The following MYH4 variants were observed in gnomAD, a reference collection of about 807,000 sequenced individuals.
The protein encoded by MYH4 is myosin heavy chain 4.
A neutral mutation model predicts 229.9 loss-of-function variants in MYH4; 200 were observed. The observed-to-expected ratio is 0.87, with a 90% CI of 0.78 to 0.98. The LOEUF is 0.98. Among genes scored for constraint, MYH4 ranks in the 50% least tolerant of loss-of-function variants. The probability of loss-of-function intolerance (pLI) is 0.00; values close to 1 mark genes in which losing one functional copy is unlikely to be tolerated. For synonymous variants in MYH4, 761 were observed against 834.6 expected (o/e 0.91, Z 1.52); for missense variants, 2,148 against 2,332.6 (o/e 0.92, Z 1.63).
Position 10,444,696 on chromosome 17 carries a change from C to T in MYH4, c.5575G>A (p.Glu1859Lys), listed in dbSNP as rs973277465. Residue 1859 changes from glutamate to lysine, a missense_variant, in exon 39 of 40, where the codon GAG becomes AAG. Glu to Lys is a moderately conservative substitution (Grantham distance 56). Coordinates refer to ENST00000255381, the MANE Select transcript of MYH4 (RefSeq NM_017533.2). ...CTGAGAATATTCTTGCGGTCCTCCT[C>T]AGTCTGAAAGAGGTGCAAGTAGATG... ...RRVKELTYQT[E>K]EDRKNILRLQ... 4 of 1,613,836 alleles carry T rather than the reference C, an allele frequency of 2.5e-6. No individual in the cohort carries two copies. The Admixed American group carries it at 6.7e-5, about 27-fold the overall frequency.
intron 23 of MYH4, 98 bp from the exon 24 acceptor site, chr17:10,453,426 T>G (rs1033934495): frequency 1.9e-6 from 3 of 1,591,032 alleles, no homozygotes; most frequent in Non-Finnish European, 2.6e-6. Flanking sequence ...CAGCGTAAGA[T>G]GGAAAATGAG....
At chr17:10,444,436 A>G (rs532182330) in intron 39 of MYH4, among the ~76,000 whole-genome samples, 168 bp downstream of exon 39, 2 of 152,300 alleles carry the variant, frequency 1.3e-5, no homozygotes, top group Admixed American at 6.5e-5. Flanking sequence ...ACTCAAATCT[A>G]TAAGGCTCCA....
rs2072501321 is a variant in MYH4 at position 10,445,417 on chromosome 17, T to C, written c.5170-55A>G. On this transcript the variant is annotated intron_variant, in intron 35 of 39. Coordinates refer to ENST00000255381, the MANE Select transcript of MYH4 (RefSeq NM_017533.2). ...GCACATTTACTTATAACAACTCACA[T>C]TGTCATTTTACCTAGTGTACACAGG... is the stretch of plus-strand genomic sequence containing the variant. 1.9e-6 allele frequency: 3 copies of C among 1,606,862 alleles called. No homozygotes were observed. In the Admixed American group the frequency reaches 5.0e-5, roughly 27 times the overall value.
At chr17:10,446,939 T>C (rs2072517815) in intron 35 of MYH4, 74 bp downstream of exon 35, 2 of 1,464,306 alleles carry the variant, frequency 1.4e-6, no homozygotes, top group South Asian at 2.5e-5. Flanking sequence ...TTTTACTTTA[T>C]AAACAAGCTT....
In MYH4 at chr17:10,461,422, T is replaced by C. The variant is rs73275430; in HGVS notation, c.1009-368A>G. The stretch of plus-strand genomic sequence containing the variant: ...CATGCTCCTCTTGGTCTTTTGGCTA[T>C]TTTTGTTTCTTTTCTCCAGTCTCAC... On this transcript the variant is annotated intron_variant, in intron 11 of 39. Coordinates refer to ENST00000255381, the MANE Select transcript of MYH4 (RefSeq NM_017533.2). Among the ~76,000 whole-genome samples, 560 of 152,296 alleles carry C rather than the reference T, an allele frequency of 3.7e-3. 5 individuals are homozygous for C. The highest frequency in any genetic ancestry group is 0.013 in the African/African-American group (535 of 41,558).
At chr17:10,464,623 A>C (rs767666817) in intron 6 of MYH4, 37 bp from the exon 7 acceptor site, 1 of 1,613,214 alleles carries the variant, frequency 6.2e-7, no homozygotes, top group African/African-American at 1.3e-5. Context: ...TCAGAATCTA[A>C]GGTAGTAGTA....
intron 9 of MYH4, 37 bp downstream of exon 9, chr17:10,463,301 G>T: frequency 6.4e-7 from 1 of 1,574,096 alleles, no homozygotes; most frequent in African/African-American, 1.4e-5. Context: ...TACCCACAAA[G>T]AAAAAGATTC....
rs770248707 is a variant in MYH4, at chr17:10,459,436, A to T, written c.1417-15T>A. ...AGGCTGTTGAACTACAGAACAAGAT[A>T]AATATAGGAAATTACGCATAACAAG... On this transcript the variant is annotated splice_polypyrimidine_tract_variant and intron_variant, in intron 14 of 39. Coordinates refer to ENST00000255381, the MANE Select transcript of MYH4 (RefSeq NM_017533.2). 6.2e-7 allele frequency: 1 copy of T among 1,614,188 alleles called. No individual in the cohort carries two copies. The highest frequency in any genetic ancestry group is 8.5e-7 in the Non-Finnish European group (1 of 1,180,014).
At chr17:10,452,605 G>A (rs1348744551) in intron 25 of MYH4, 99 bp from the exon 26 acceptor site, 6 of 1,283,444 alleles carry the variant, frequency 4.7e-6, no homozygotes, top group Non-Finnish European at 6.6e-6. Flanking sequence ...GGTGTTGAAG[G>A]AGTGAGTAGT....
chr17:10,453,492 G>C, intron 23 of MYH4, 151 bp downstream of exon 23: 1 of 1,540,918 alleles, frequency 6.5e-7, no homozygotes, highest in Non-Finnish European at 8.8e-7. Context: ...TAAAGGTCAA[G>C]TAAGTACATT....
At position 10,451,483 on chromosome 17, in the gene MYH4, C is replaced by A. The variant is rs201507541; in HGVS notation, c.3739-31G>T. The A allele has an allele frequency of 2.4e-5, 38 of 1,602,116 alleles. 1 individual carries two copies. The South Asian group carries it at 3.5e-4, about 15-fold the overall frequency. On this transcript the variant is annotated intron_variant, in intron 27 of 39. Coordinates refer to ENST00000255381, the MANE Select transcript of MYH4 (RefSeq NM_017533.2). The stretch of plus-strand genomic sequence containing the variant: ...GTGAGAGGTAGAAAACAGGAAGAGA[C>A]AATACATTTTTATTCTAGAGGCTGG...
intron 30 of MYH4, among the ~76,000 whole-genome samples, chr17:10,449,433 G>A (rs1383303640): frequency 6.6e-6 from 1 of 152,132 alleles, no homozygotes; most frequent in African/African-American, 2.4e-5. Context: ...TAGAAAACAG[G>A]AAGAGACAGT....
chr17:10,456,562 A>C lies in MYH4; in HGVS notation c.1898-7T>G, dbSNP rs1410878035. On this transcript the variant is annotated splice_region_variant and splice_polypyrimidine_tract_variant and intron_variant, in intron 16 of 39. Coordinates refer to ENST00000255381, the MANE Select transcript of MYH4 (RefSeq NM_017533.2). ...TTCTTTCCACCACCACCCTCTAAAA[A>C]ACAAAATGGGAAAAATAAAGTTATT... The C allele has an allele frequency of 1.9e-6, 3 of 1,613,378 alleles. No homozygotes were observed. The South Asian group carries it at 3.3e-5, about 18-fold the overall frequency.
Position 10,448,097 on chromosome 17 carries a change from A to G in MYH4, c.4686T>C (p.Ile1562=). 1.2e-6 allele frequency: 2 copies of G among 1,613,694 alleles called. No homozygotes were observed. Among genetic ancestry groups the G allele is most frequent in the Non-Finnish European group, 1.7e-6 (2 of 1,179,834 alleles). ...GATTTAGCTCAAGTTGAATGCGAAG[A>G]ATTTTGCCTTCTTCATGCTCAAGAG... is the stretch of plus-strand genomic sequence containing the variant. ...EASLEHEEGK[I]LRIQLELNQV... is the part of the protein sequence containing the mutation. The change falls in exon 34 of 40, where the codon ATT becomes ATC. Residue 1562 remains isoleucine, a synonymous_variant. Transcript: ENST00000255381.
At chr17:10,465,805 C>T (rs1457045169) in intron 4 of MYH4, among the ~76,000 whole-genome samples, 1 of 119,794 alleles carries the variant, frequency 8.3e-6, no homozygotes, top group Non-Finnish European at 1.6e-5. Flanking sequence ...GACGGAGTCT[C>T]GCTCTGTCGC....
chr17:10,450,432 C>G (rs1453834557), intron 30 of MYH4, 21 bp downstream of exon 30: 1 of 1,613,760 alleles, frequency 6.2e-7, no homozygotes, highest in Non-Finnish European at 8.5e-7. Flanking sequence ...CTTCCTGCTC[C>G]CCTGCACTAA....
In MYH4 at chr17:10,451,347, C is replaced by A. The variant is rs1341777727; in HGVS notation, c.3844G>T (p.Ala1282Ser). The A allele has an allele frequency of 1.2e-6, 2 of 1,613,910 alleles. No individual in the cohort carries two copies. Among genetic ancestry groups the A allele is most frequent in the Non-Finnish European group, 1.7e-6 (2 of 1,179,968 alleles). ...TGACCTGATTCTGTGTGTAAACGTG[C>A]CTTCTGGGCTGACAACTCATTTATT... ...RLINELSAQK[A>S]RLHTESGEFS... The change falls in exon 28 of 40, where the codon GCA (alanine) becomes TCA (serine). Residue 1282 changes from alanine to serine, a missense_variant. By Grantham distance (99) the Ala-to-Ser change is moderately conservative. Coordinates refer to ENST00000255381, the MANE Select transcript of MYH4 (RefSeq NM_017533.2).
Position 10,453,181 on chromosome 17 carries a change from T to C in MYH4, c.3082A>G (p.Lys1028Glu). The C allele has an allele frequency of 6.2e-7, 1 of 1,614,126 alleles. No homozygotes were observed. The highest frequency in any genetic ancestry group is 2.2e-5 in the East Asian group (1 of 44,880). Residue 1028 changes from lysine (K) to glutamate (E), a missense_variant, in exon 24 of 40, where the codon AAA becomes GAA. Physicochemically the swap from Lys to Glu is moderately conservative, Grantham distance 56. Coordinates refer to ENST00000255381, the MANE Select transcript of MYH4 (RefSeq NM_017533.2). ...TCCACTTGCTGTTCTAGCTTGGTTT[T>C]AGCTTTGGTCAGGGTGTTGACTTTG... ...EDKVNTLTKA[K>E]TKLEQQVDDL...
At chr17:10,456,032 G>A in intron 17 of MYH4, 131 bp from the exon 18 acceptor site, 1 of 1,137,666 alleles carries the variant, frequency 8.8e-7, no homozygotes, top group Non-Finnish European at 1.3e-6. Context: ...ATAACAGAGA[G>A]GAATCATATA....
Sources: allele counts gnomAD v4.1 joint callset (sites outside exome capture counted in the v4.1 genomes callset), GRCh38; gene constraint gnomAD v4.1.1; transcripts MANE v1.5; gene names NCBI Gene and HGNC (gene_info 2026-07-23, HGNC 2026-07-21).